The following SLCO3A1 variants were observed in gnomAD, a reference collection of about 807,000 sequenced individuals.
SLCO3A1 encodes the protein solute carrier organic anion transporter family member 3A1.
A neutral mutation model predicts 63.1 loss-of-function variants in SLCO3A1; 27 were observed. The ratio of observed to expected loss-of-function variants is 0.43; its 90% CI spans 0.32 to 0.59. The LOEUF is 0.59. Among genes scored for constraint, SLCO3A1 ranks in the 20% least tolerant of loss-of-function variants. SLCO3A1 has a pLI of 0.09. For synonymous variants in SLCO3A1, 473 were observed against 409.9 expected (o/e 1.15, Z -1.86); for missense variants, 773 against 945.8 (o/e 0.82, Z 2.40).
Position 92,143,434 on chromosome 15 carries a change from TATATAATATA to T in SLCO3A1, c.1513-3549_1513-3540del, listed in dbSNP as rs1195670233. ...ATATATATATTATATATATATAATA[TATATAATATA>T]TATATAATATATATAATATATATAA... On this transcript the variant is annotated intron_variant, in intron 7 of 9. Coordinates refer to ENST00000318445, the MANE Select transcript of SLCO3A1 (RefSeq NM_013272.4). Among the ~76,000 whole-genome samples, 6 of 6,250 alleles carry T rather than the reference TATATAATATA, an allele frequency of 9.6e-4. 3 individuals are homozygous for T. The highest frequency in any genetic ancestry group is 8.5e-3 in the African/African-American group (6 of 702). The allele number at this position is 6,250 out of a possible 152,430, so 4.1% of individuals were successfully genotyped here. A position where few individuals can be genotyped will look rare whatever the true frequency, so the allele number is the denominator to read the frequency against.
chr15:92,008,040 C>T (rs979248609), intron 2 of SLCO3A1, among the ~76,000 whole-genome samples: 3 of 152,130 alleles, frequency 2.0e-5, no homozygotes, highest in African/African-American at 7.2e-5. Context: ...CTAAAGAAGT[C>T]GGCTCGGTAA....
chr15:92,083,615 C>T (rs1271097225), intron 2 of SLCO3A1, among the ~76,000 whole-genome samples: 1 of 152,144 alleles, frequency 6.6e-6, no homozygotes, highest in Non-Finnish European at 1.5e-5. Flanking sequence ...TGTCTCTAAG[C>T]TTTCTGTCAT....
intron 2 of SLCO3A1, among the ~76,000 whole-genome samples, chr15:92,016,767 C>T (rs1018054095): frequency 2.6e-5 from 4 of 151,700 alleles, no homozygotes; most frequent in African/African-American, 9.7e-5. Flanking sequence ...GACAGATGGT[C>T]ACAGTCATAA....
intron 1 of SLCO3A1, among the ~76,000 whole-genome samples, chr15:91,909,421 C>A (rs1199969884): frequency 6.6e-6 from 1 of 152,232 alleles, no homozygotes; most frequent in Non-Finnish European, 1.5e-5. Context: ...TAAATATCTA[C>A]TGACTGGCTT....
chr15:92,012,888 G>C (rs1056464131), intron 2 of SLCO3A1, among the ~76,000 whole-genome samples: 1 of 152,174 alleles, frequency 6.6e-6, no homozygotes, highest in Non-Finnish European at 1.5e-5. Context: ...TAACTTCAGA[G>C]AAGTACTTCA....
intron 1 of SLCO3A1, 98 bp from the exon 2 acceptor site, chr15:91,915,895 C>A: frequency 1.9e-6 from 2 of 1,048,082 alleles, no homozygotes; most frequent in Non-Finnish European, 2.9e-6. Flanking sequence ...GTGGGAGGGT[C>A]CCGGGGGGGA....
intron 4 of SLCO3A1, among the ~76,000 whole-genome samples, chr15:92,108,811 C>T (rs921212539): frequency 8.5e-5 from 13 of 152,112 alleles, no homozygotes; most frequent in Admixed American, 7.2e-4. Context: ...CTGTTTCTCA[C>T]CTCCCCAGGA....
intron 2 of SLCO3A1, among the ~76,000 whole-genome samples, chr15:92,048,875 G>A (rs887891294): frequency 6.6e-6 from 1 of 152,214 alleles, no homozygotes; most frequent in South Asian, 2.1e-4. Context: ...CACTGCTTTA[G>A]AGCATTTGTG....
At chr15:92,040,788 C>G (rs777499657) in intron 2 of SLCO3A1, among the ~76,000 whole-genome samples, 8 of 152,180 alleles carry the variant, frequency 5.3e-5, no homozygotes, top group Non-Finnish European at 7.3e-5. Flanking sequence ...TCTTTAATTA[C>G]TGTCCTTTGA....
chr15:92,108,935 C>T (rs1462705030), intron 4 of SLCO3A1, among the ~76,000 whole-genome samples: 1 of 152,094 alleles, frequency 6.6e-6, no homozygotes, highest in Non-Finnish European at 1.5e-5. Context: ...ATTACCATGG[C>T]AGTCTCTTTG....
At chr15:92,166,277 C>T (rs2048493104), downstream of SLCO3A1, among the ~76,000 whole-genome samples, 1 of 152,096 alleles carries the variant, frequency 6.6e-6, no homozygotes, top group African/African-American at 2.4e-5. Flanking sequence ...GTGGAAGCAG[C>T]CTCCTCTCAC....
At chr15:91,920,085 C>A (rs1898793396) in intron 2 of SLCO3A1, among the ~76,000 whole-genome samples, 1 of 152,108 alleles carries the variant, frequency 6.6e-6, no homozygotes, top group Admixed American at 6.5e-5. Context: ...ATATTTAATA[C>A]TTTCTATAGT....
At chr15:92,076,685 G>A (rs2047281464) in intron 2 of SLCO3A1, among the ~76,000 whole-genome samples, 1 of 152,188 alleles carries the variant, frequency 6.6e-6, no homozygotes, top group African/African-American at 2.4e-5. Flanking sequence ...ACCAGCCAGG[G>A]CAATCCCCAC....
intron 2 of SLCO3A1, among the ~76,000 whole-genome samples, chr15:91,928,081 T>C (rs541744772): frequency 1.3e-5 from 2 of 152,216 alleles, no homozygotes; most frequent in Admixed American, 6.5e-5. Context: ...CCCACATTGG[T>C]GCTTTTATTT....
chr15:92,159,645 C>T (rs2048413398), intron 9 of SLCO3A1, among the ~76,000 whole-genome samples: 1 of 149,202 alleles, frequency 6.7e-6, no homozygotes, highest in East Asian at 2.0e-4. Context: ...TGGCTCACTG[C>T]AGCCTGGAAC....
chr15:92,034,765 C>T (rs1466696485), intron 2 of SLCO3A1, among the ~76,000 whole-genome samples: 1 of 151,958 alleles, frequency 6.6e-6, no homozygotes, highest in African/African-American at 2.4e-5. Flanking sequence ...ATGTCCCCTC[C>T]AGTGGTGGCA....
chr15:91,956,932 C>T (rs776454840), intron 2 of SLCO3A1, among the ~76,000 whole-genome samples: 36 of 90,794 alleles, frequency 4.0e-4, no homozygotes, highest in Non-Finnish European at 6.1e-4. Context: ...GGACTACAGG[C>T]GCGCGCCACC....
chr15:91,926,596 T>TGTGTGCGCGC, intron 2 of SLCO3A1, among the ~76,000 whole-genome samples: 180 of 105,304 alleles, frequency 1.7e-3, no homozygotes, highest in African/African-American at 2.8e-3. Flanking sequence ...TGTGTGTGTG[T>TGTGTGCGCGC]GCGCGCGCGC....
chr15:91,919,543 A>G (rs1395208246), intron 2 of SLCO3A1, among the ~76,000 whole-genome samples: 1 of 152,262 alleles, frequency 6.6e-6, no homozygotes, highest in Non-Finnish European at 1.5e-5. Context: ...GCGCAGTGGC[A>G]GTGGAGACCA....
Sources: gnomAD v4.1 joint callset for allele counts (sites outside exome capture counted in the v4.1 genomes callset) on GRCh38, gnomAD v4.1.1 for gene constraint, MANE v1.5 for transcripts, NCBI Gene and HGNC (gene_info 2026-07-23, HGNC 2026-07-21) for gene names.